Variants in KLRG1 observed in about 807,000 individuals in gnomAD.
KLRG1 encodes killer cell lectin-like receptor subfamily G member 1.
Under a neutral mutation model 21.8 loss-of-function variants are expected in KLRG1, and 16 were observed. That is an observed-to-expected ratio of 0.73 (90% CI 0.50 to 1.11). The LOEUF is 1.11. Among genes scored for constraint, KLRG1 ranks in the 50% most tolerant of loss-of-function variants. KLRG1 has a pLI of 0.00. For synonymous variants in KLRG1, 69 were observed against 75.9 expected (o/e 0.91, Z 0.47); for missense variants, 173 against 218.3 (o/e 0.79, Z 1.31).
At chr12:9,159,952 G>A in the KLRG1 span, 1 of 1,612,846 alleles carries the variant, frequency 6.2e-7, no homozygotes, top group Non-Finnish European at 8.5e-7. Context: ...TGTTGCCCTG[G>A]TTCCTGCCAT....
the KLRG1 span, chr12:9,090,005 A>C: frequency 6.3e-7 from 1 of 1,594,724 alleles, no homozygotes. Flanking sequence ...CTCTGCGCTC[A>C]CAGTGAAATT....
At chr12:8,989,468 T>C, upstream of KLRG1, 1 of 552,554 alleles carries the variant, frequency 1.8e-6, no homozygotes, top group Non-Finnish European at 3.2e-6. Flanking sequence ...CAATATTAAT[T>C]TCTATAGGCA....
At chr12:9,113,830 A>T in the KLRG1 span, among the ~76,000 whole-genome samples, 1 of 152,264 alleles carries the variant, frequency 6.6e-6, no homozygotes, top group African/African-American at 2.4e-5. Flanking sequence ...TTCAAATAAA[A>T]ATATGTAGTT....
chr12:9,007,471 A>G (rs1172046623), intron 3 of KLRG1, among the ~76,000 whole-genome samples: 4 of 152,048 alleles, frequency 2.6e-5, no homozygotes, highest in Admixed American at 2.0e-4. Flanking sequence ...TTTTTGTACC[A>G]CATTCACCAG....
chr12:9,203,285 A>G, the KLRG1 span, among the ~76,000 whole-genome samples: 2 of 151,362 alleles, frequency 1.3e-5, no homozygotes, highest in Non-Finnish European at 2.9e-5. Context: ...TTTGTTCCTT[A>G]ATAGTTGAAA....
At chr12:9,176,702 G>T in the KLRG1 span, among the ~76,000 whole-genome samples, 1 of 152,200 alleles carries the variant, frequency 6.6e-6, no homozygotes, top group African/African-American at 2.4e-5. Context: ...ACTTCCATTT[G>T]CCAGGCTTGA....
intron 1 of KLRG1, among the ~76,000 whole-genome samples, chr12:8,983,908 C>T (rs867464205): frequency 6.6e-6 from 1 of 151,956 alleles, no homozygotes; most frequent in African/African-American, 2.4e-5. Flanking sequence ...TATCTTGATG[C>T]GGATTCAGTG....
the KLRG1 span, among the ~76,000 whole-genome samples, chr12:9,042,328 A>T: frequency 6.6e-6 from 1 of 152,242 alleles, no homozygotes; most frequent in Admixed American, 6.5e-5. Flanking sequence ...CCAGTAAAAG[A>T]TTATTAAAGT....
the KLRG1 span, chr12:9,196,751 T>C: frequency 1.4e-6 from 2 of 1,387,692 alleles, no homozygotes; most frequent in South Asian, 1.2e-5. Context: ...GAATCTACTA[T>C]TCTGTCTCTA....
At chr12:9,077,919 C>T in the KLRG1 span, 4 of 1,597,334 alleles carry the variant, frequency 2.5e-6, no homozygotes, top group Non-Finnish European at 3.4e-6. Flanking sequence ...AACCACTTCA[C>T]AGCAACAGGC....
chr12:8,995,839 T>C lies in KLRG1; in HGVS notation c.357+551T>C, dbSNP rs772818174. Among the ~76,000 whole-genome samples, 9 of 152,096 alleles carry C rather than the reference T, an allele frequency of 5.9e-5. 1 individual carries two copies. In the South Asian group the frequency reaches 1.0e-3, roughly 18 times the overall value. On this transcript the variant is annotated intron_variant, in intron 3 of 4. Coordinates refer to ENST00000356986, the MANE Select transcript of KLRG1 (RefSeq NM_005810.4). ...CTGGAACTACAGGCGTGTGCCACCA[T>C]GCCTGGCTAATTTTTTGTATTTTTA...
chr12:9,163,735 CCA>C, the KLRG1 span: 11 of 1,613,908 alleles, frequency 6.8e-6, no homozygotes, highest in Non-Finnish European at 9.3e-6. Context: ...AACCTCATTT[CCA>C]CAGAGTTCTA....
intron 1 of KLRG1, among the ~76,000 whole-genome samples, chr12:8,959,439 C>T (rs1252357587): frequency 6.6e-6 from 1 of 152,212 alleles, no homozygotes; most frequent in Non-Finnish European, 1.5e-5. Context: ...TTAGACACCC[C>T]TGCAATTTCA....
chr12:9,002,695 T>C (rs1947340121), intron 3 of KLRG1, among the ~76,000 whole-genome samples: 1 of 152,062 alleles, frequency 6.6e-6, no homozygotes, highest in African/African-American at 2.4e-5. Flanking sequence ...GCCTCCTAAG[T>C]AGCTGGGACT....
At chr12:9,188,077 A>G in the KLRG1 span, among the ~76,000 whole-genome samples, 3 of 152,360 alleles carry the variant, frequency 2.0e-5, no homozygotes, top group South Asian at 6.2e-4. Context: ...CCTCAACAAA[A>G]TATTTGCAAA....
chr12:9,060,152 C>A, the KLRG1 span, among the ~76,000 whole-genome samples: 1 of 151,710 alleles, frequency 6.6e-6, no homozygotes, highest in East Asian at 1.9e-4. Context: ...CTACAGGTGC[C>A]CGCCACCACA....
chr12:9,090,532 A>T, the KLRG1 span: 1 of 1,594,370 alleles, frequency 6.3e-7, no homozygotes, highest in South Asian at 1.1e-5. Flanking sequence ...GAACAGAGGG[A>T]GAATGGGTTT....
At chr12:9,135,306 A>T in the KLRG1 span, 1 of 283,386 alleles carries the variant, frequency 3.5e-6, no homozygotes, top group Admixed American at 4.1e-5. Flanking sequence ...TCCCCTGGAC[A>T]GGCAGCACAG....
the KLRG1 span, among the ~76,000 whole-genome samples, chr12:9,082,165 T>G: frequency 6.6e-6 from 1 of 152,208 alleles, no homozygotes; most frequent in Non-Finnish European, 1.5e-5. Context: ...ATGGCTCCAT[T>G]CACAAGGGTG....
Sources: gnomAD v4.1 joint callset for allele counts (sites outside exome capture counted in the v4.1 genomes callset) on GRCh38, gnomAD v4.1.1 for gene constraint, MANE v1.5 for transcripts, NCBI Gene and HGNC (gene_info 2026-07-23, HGNC 2026-07-21) for gene names.